The following RABL6 variants were observed in gnomAD, a reference collection of about 807,000 sequenced individuals.
RABL6 encodes rab-like protein 6.
In RABL6, 28 loss-of-function variants were observed where a neutral mutation model predicts 72.9. The ratio of observed to expected loss-of-function variants is 0.38; its 90% CI spans 0.28 to 0.53. The LOEUF (loss-of-function observed/expected upper bound fraction) is 0.53, where lower values mean the gene tolerates loss of function less well. Among genes scored for constraint, RABL6 ranks in the 20% least tolerant of loss-of-function variants. The pLI is 0.80. For missense variants in RABL6, 1,029 were observed against 1,008.4 expected (o/e 1.02, Z -0.28); for synonymous variants, 477 against 421.2 (o/e 1.13, Z -1.62).
At chr9:136,818,421 A>T (rs2131167550) in intron 1 of RABL6, among the ~76,000 whole-genome samples, 1 of 137,622 alleles carries the variant, frequency 7.3e-6, no homozygotes, top group African/African-American at 2.7e-5. Flanking sequence ...GTAAGCAAAG[A>T]AACTGGTAAA....
intron 1 of RABL6, among the ~76,000 whole-genome samples, chr9:136,819,790 C>G (rs1214898907): frequency 6.6e-6 from 1 of 152,140 alleles, no homozygotes; most frequent in East Asian, 1.9e-4. Flanking sequence ...CTCACTGGTG[C>G]CGTGGCTTAT....
intron 5 of RABL6, among the ~76,000 whole-genome samples, chr9:136,829,741 C>T (rs1450492460): frequency 6.6e-6 from 1 of 152,256 alleles, no homozygotes; most frequent in Non-Finnish European, 1.5e-5. Context: ...CACGCACCTT[C>T]CATAGCCCCA....
chr9:136,840,332 A>C lies in RABL6; in HGVS notation c.2000A>C (p.Lys667Thr), dbSNP rs1388726920. The C allele has an allele frequency of 1.3e-6, 2 of 1,577,440 alleles. No individual in the cohort carries two copies. The highest frequency in any genetic ancestry group is 1.9e-5 in the Admixed American group (1 of 53,046). Residue 667 changes from lysine (K) to threonine (T), a missense_variant, in exon 15 of 15, where the codon AAA (lysine) becomes ACA (threonine). This residue lies in a region of RABL6 where 595 missense variants were observed against 472.4 expected (regional missense o/e 1.26). Transcript: ENST00000311502. The stretch of plus-strand genomic sequence containing the variant: ...CCTTGTGCTCCTCAGGAAGAAGAAA[A>C]AGCTGCCAAGAAGAAGAGCAAACAC... ...KKKKGKEEEE[K>T]AAKKKSKHKK... is the part of the protein sequence containing the mutation.
At chr9:136,809,987 G>A (rs761884364) in intron 1 of RABL6, 2 of 152,328 alleles carry the variant, frequency 1.3e-5, no homozygotes, top group Non-Finnish European at 2.9e-5. Context: ...TGGCTGTCTG[G>A]TAAGGAAAAT....
At chr9:136,832,455 C>A in intron 7 of RABL6, 85 bp downstream of exon 7, 1 of 1,124,566 alleles carries the variant, frequency 8.9e-7, no homozygotes, top group Non-Finnish European at 1.4e-6. Context: ...GGTCTCCCTC[C>A]TAACCCCTGA....
chr9:136,831,871 G>C lies in RABL6; in HGVS notation c.599+10G>C, dbSNP rs1231928398. 6.2e-7 allele frequency: 1 copy of C among 1,604,296 alleles called. No homozygotes were observed. The highest frequency in any genetic ancestry group is 2.2e-5 in the East Asian group (1 of 44,652). On this transcript the variant is annotated intron_variant, in intron 6 of 14. Transcript: ENST00000311502. ...TCGACAACCTGGACAGGTGGGTGCG[G>C]TGGCCCTGCTCCCGAGGGACCCTGC...
chr9:136,837,810 G>A, intron 9 of RABL6, 52 bp from the exon 10 acceptor site: 2 of 1,543,152 alleles, frequency 1.3e-6, no homozygotes, highest in Non-Finnish European at 1.8e-6. Flanking sequence ...GGGGTTGGGT[G>A]CAGTGAGGGT....
At chr9:136,830,102 G>A (rs1420045643) in intron 5 of RABL6, among the ~76,000 whole-genome samples, 1 of 152,254 alleles carries the variant, frequency 6.6e-6, no homozygotes, top group Admixed American at 6.5e-5. Flanking sequence ...GTGTCCTGGT[G>A]CAGGGCCCCT....
Position 136,837,586 on chromosome 9 carries a change from C to A in RABL6, c.1050C>A (p.Ala350=). Residue 350 remains alanine, a synonymous_variant, in exon 9 of 15, where the codon GCC becomes GCA. Coordinates refer to ENST00000311502, the MANE Select transcript of RABL6 (RefSeq NM_024718.5). ...TGCCCCCACCTGCGTGCCCCTCAGC[C>A]CCCGCCCCACGGCGCAGCATCATCT... The part of the protein sequence containing the change: ...EALPPPACPS[A]PAPRRSIISR... 6.3e-7 allele frequency: 1 copy of A among 1,588,484 alleles called. No homozygotes were observed. The highest frequency in any genetic ancestry group is 8.5e-7 in the Non-Finnish European group (1 of 1,169,880).
intron 1 of RABL6, among the ~76,000 whole-genome samples, chr9:136,816,350 C>G (rs1848118995): frequency 1.3e-5 from 2 of 151,974 alleles, no homozygotes; most frequent in African/African-American, 2.4e-5. Context: ...AGCGATCCAT[C>G]TGCCTTGGCC....
In RABL6 at chr9:136,826,192, C is replaced by T. The variant is rs1848352821; in HGVS notation, c.313+366C>T. On this transcript the variant is annotated intron_variant, in intron 3 of 14. Coordinates refer to ENST00000311502, the MANE Select transcript of RABL6 (RefSeq NM_024718.5). The surrounding 1 kb of genome is among the most constrained non-coding windows in gnomAD (Gnocchi z 4.9). ...GCACCAGGCGGCCCCCTGCCCATAG[C>T]TGAGGACCCAGCTCCTGCGCTCCTG... Among the ~76,000 whole-genome samples the T allele has an allele frequency of 1.3e-5, 2 of 152,164 alleles. No homozygotes were observed. Among genetic ancestry groups the T allele is most frequent in the African/African-American group, 4.8e-5 (2 of 41,438 alleles).
chr9:136,823,903 G>T (rs898459182), intron 2 of RABL6, among the ~76,000 whole-genome samples: 4 of 152,232 alleles, frequency 2.6e-5, no homozygotes, highest in African/African-American at 9.6e-5. Flanking sequence ...AGCGTTGGCC[G>T]CAGGTGAGTG....
intron 1 of RABL6, chr9:136,809,407 C>A: frequency 3.6e-6 from 1 of 279,986 alleles, no homozygotes. Flanking sequence ...ACTCGGGCCA[C>A]CCTCACCCAG....
intron 8 of RABL6, 76 bp downstream of exon 8, chr9:136,835,921 C>G: frequency 7.3e-7 from 1 of 1,361,624 alleles, no homozygotes; most frequent in Non-Finnish European, 1.0e-6. Context: ...ATGGGCTGCA[C>G]CAAGGAGACA....
rs1232333295 is a variant in RABL6 at position 136,837,641 on chromosome 9, G to A, written c.1105G>A (p.Glu369Lys). 41 of 1,593,926 alleles carry A rather than the reference G, an allele frequency of 2.6e-5. No individual in the cohort carries two copies. The highest frequency in any genetic ancestry group is 4.6e-5 in the South Asian group (4 of 87,860). The change falls in exon 9 of 15, where the codon GAG becomes AAG. Residue 369 changes from glutamate (E) to lysine (K), a missense_variant. This residue lies in a region of RABL6 where 434 missense variants were observed against 536.1 expected (regional missense o/e 0.81). Transcript: ENST00000311502. ...GCTGTTTGGGACGTCACCTGCCACC[G>A]AGGCAGCCCCTCCACCTCCAGGTAG... Reference protein sequence around the residue: ...SRLFGTSPATEAAPPPPEPVP... With the variant: ...SRLFGTSPATKAAPPPPEPVP...
Position 136,808,021 on chromosome 9 carries a change from A to C in RABL6, c.-176A>C. 1 of 1,037,438 alleles carries C rather than the reference A, an allele frequency of 9.6e-7. No individual in the cohort carries two copies. Among genetic ancestry groups the C allele is most frequent in the Non-Finnish European group, 1.2e-6 (1 of 862,808 alleles). The allele number at this position is 1,037,438 out of a possible 1,614,324, so 64.3% of individuals were successfully genotyped here. The stretch of plus-strand genomic sequence containing the variant: ...GGCCGGAGCGGAGCAGCCGCGGCTG[A>C]GGTTCCCGAGTCGCCGCTCGGGGCT... On this transcript the variant is annotated 5_prime_UTR_variant, in exon 1 of 15. An upstream open reading frame in the 5' UTR loses its in-frame stop. Transcript: ENST00000311502.
At position 136,838,618 on chromosome 9, in the gene RABL6, G is replaced by A. The variant is rs577945424; in HGVS notation, c.1281-291G>A. Among the ~76,000 whole-genome samples, 11 of 152,352 alleles carry A rather than the reference G, an allele frequency of 7.2e-5. No individual in the cohort carries two copies. In the East Asian group the frequency reaches 2.1e-3, roughly 29 times the overall value. ...AAATACACAAAGGACAGAAAGCCCC[G>A]TGGCCCTGAGCTGGGCCCGCCTCCT... On this transcript the variant is annotated intron_variant, in intron 10 of 14. Coordinates refer to ENST00000311502, the MANE Select transcript of RABL6 (RefSeq NM_024718.5).
At chr9:136,813,429 T>C (rs1393510315) in intron 1 of RABL6, 6 of 680,964 alleles carry the variant, frequency 8.8e-6, no homozygotes, top group Non-Finnish European at 1.5e-5. Context: ...CTCCAAGTGG[T>C]CTCTCTAGTC....
At position 136,826,175 on chromosome 9, in the gene RABL6, C is replaced by T. The variant is rs1229540296; in HGVS notation, c.313+349C>T. ...CCTGGCGGAGTAGCCCAGCACCAGG[C>T]GGCCCCCTGCCCATAGCTGAGGACC... On this transcript the variant is annotated intron_variant, in intron 3 of 14. Transcript: ENST00000311502. The surrounding 1 kb of genome is among the most constrained non-coding windows in gnomAD (Gnocchi z 4.9). Among the ~76,000 whole-genome samples, 1 of 152,160 alleles carries T rather than the reference C, an allele frequency of 6.6e-6. No homozygotes were observed. The highest frequency in any genetic ancestry group is 1.5e-5 in the Non-Finnish European group (1 of 68,002).
Sources: gnomAD v4.1 joint callset for allele counts (sites outside exome capture counted in the v4.1 genomes callset) on GRCh38, gnomAD v4.1.1 for gene constraint, gnomAD v4.1.1 regional missense constraint, Gnocchi (gnomAD v3.1) non-coding constraint, MANE v1.5 for transcripts, NCBI Gene and HGNC (gene_info 2026-07-23, HGNC 2026-07-21) for gene names.